The following SAFB2 variants were observed in gnomAD, a reference collection of about 807,000 sequenced individuals.
The protein encoded by SAFB2 is scaffold attachment factor B2.
In SAFB2, 32 loss-of-function variants were observed where a neutral mutation model predicts 100.6. The observed-to-expected ratio is 0.32, with a 90% CI of 0.24 to 0.43. SAFB2 has a LOEUF of 0.43. Ranked by LOEUF, SAFB2 falls within the 20% of genes least tolerant of loss-of-function variation. The pLI, the probability that SAFB2 is intolerant of heterozygous loss-of-function variation, is 1.00. For missense variants in SAFB2, 1,185 were observed against 1,163.4 expected (o/e 1.02, Z -0.27); for synonymous variants, 500 against 439.4 (o/e 1.14, Z -1.72).
intron 4 of SAFB2, 92 bp from the exon 5 acceptor site, chr19:5,613,619 C>A: frequency 6.5e-7 from 1 of 1,542,076 alleles, no homozygotes; most frequent in Admixed American, 1.9e-5. Context: ...TGTCTATTTC[C>A]CTCACGGCAC....
intron 11 of SAFB2, among the ~76,000 whole-genome samples, chr19:5,604,084 C>T (rs1275045484): frequency 6.6e-6 from 1 of 152,202 alleles, no homozygotes; most frequent in East Asian, 1.9e-4. Flanking sequence ...TTCTTAAAGA[C>T]ATGGGCTACT....
Position 5,587,937 on chromosome 19 carries a change from G to C in SAFB2, c.2569C>G (p.His857Asp). 6.2e-7 allele frequency: 1 copy of C among 1,612,738 alleles called. No individual in the cohort carries two copies. The highest frequency in any genetic ancestry group is 8.5e-7 in the Non-Finnish European group (1 of 1,179,878). The part of the protein sequence containing the change: ...WGEHNQRLEE[H>D]QARAWQGAMD... Reference sequence around the variant, plus strand: ...GCACCCTGCCAGGCGCGTGCCTGGTGCTCCTCTAGCCGCTGGTTGTGCTCT... The same window carrying C: ...GCACCCTGCCAGGCGCGTGCCTGGTCCTCCTCTAGCCGCTGGTTGTGCTCT... Residue 857 changes from histidine to aspartate, a missense_variant, in exon 19 of 21, where the codon CAC (histidine) becomes GAC (aspartate). Coordinates refer to ENST00000252542, the MANE Select transcript of SAFB2 (RefSeq NM_014649.3). The surrounding 1 kb of genome is among the most constrained non-coding windows in gnomAD (Gnocchi z 4.9).
At chr19:5,615,006 T>G (rs1244902437) in intron 4 of SAFB2, among the ~76,000 whole-genome samples, 1 of 150,964 alleles carries the variant, frequency 6.6e-6, no homozygotes, top group Non-Finnish European at 1.5e-5. Flanking sequence ...AGGTCAGGAG[T>G]TCGAGACCAG....
Position 5,613,489 on chromosome 19 carries a change from T to C in SAFB2, c.582A>G (p.Ser194=). ...CCGGAGTTACTTTGAAGTTCAACGA[T>C]GAAGTTTCCAAAGTGTTCTTAAATC... The part of the protein sequence containing the change: ...GEGFKNTLET[S]SLNFKVTPDI... Residue 194 remains serine (S), a synonymous_variant, in exon 5 of 21, where the codon TCA becomes TCG. Transcript: ENST00000252542. 3.7e-6 allele frequency: 6 copies of C among 1,614,006 alleles called. No homozygotes were observed. The highest frequency in any genetic ancestry group is 3.4e-6 in the Non-Finnish European group (4 of 1,179,918).
In SAFB2 at chr19:5,594,094, C is replaced by T; in HGVS notation, c.2004G>A (p.Leu668=). ...GCCGCTGGCGCTGGCACTCGAGCTG[C>T]AGGCGTTCCCGCTGTAGCCGGGCCT... ...KEKARLQRER[L]QLECQRQRLE... The change falls in exon 15 of 21, where the codon CTG becomes CTA. Residue 668 remains leucine (L), a synonymous_variant. Coordinates refer to ENST00000252542, the MANE Select transcript of SAFB2 (RefSeq NM_014649.3). The T allele has an allele frequency of 6.3e-7, 1 of 1,599,462 alleles. No homozygotes were observed.
Position 5,595,407 on chromosome 19 carries a change from G to A in SAFB2, c.1873C>T (p.Arg625Cys), listed in dbSNP as rs2052515593. The A allele has an allele frequency of 2.5e-6, 4 of 1,612,980 alleles. No homozygotes were observed. Among genetic ancestry groups the A allele is most frequent in the South Asian group, 1.1e-5 (1 of 91,064 alleles). The change falls in exon 14 of 21, where the codon CGC becomes TGC. Residue 625 changes from arginine (R) to cysteine (C), a missense_variant. Around this residue, in one of 3 missense-constraint regions of SAFB2, gnomAD observed 740 missense variants for 687.1 expected, o/e 1.08. Coordinates refer to ENST00000252542, the MANE Select transcript of SAFB2 (RefSeq NM_014649.3). ...ATCTCCCGTTCCCGCTGCCTCTGGC[G>A]CTCTCTCTCCCTTTGTTCTTTGATT... Reference protein sequence around the residue: ...DKIKEQRERERQRQREREIRE... With the variant: ...DKIKEQRERECQRQREREIRE...
rs752276480 is a variant in SAFB2 at position 5,595,388 on chromosome 19, C to T, written c.1892G>A (p.Arg631Gln). Reference sequence around the variant, plus strand: ...CCGCCTCTCCGTTTCGCGGATCTCCCGTTCCCGCTGCCTCTGGCGCTCTCT... The same window carrying T: ...CCGCCTCTCCGTTTCGCGGATCTCCTGTTCCCGCTGCCTCTGGCGCTCTCT... ...RERERQRQRE[R>Q]EIRETERRRE... The change falls in exon 14 of 21, where the codon CGG becomes CAG. Residue 631 changes from arginine (R) to glutamine (Q), a missense_variant. Physicochemically the swap from Arg to Gln is conservative, Grantham distance 43. Coordinates refer to ENST00000252542, the MANE Select transcript of SAFB2 (RefSeq NM_014649.3). The T allele has an allele frequency of 2.5e-6, 4 of 1,612,384 alleles. No homozygotes were observed. The African/African-American group carries it at 4.0e-5, about 16-fold the overall frequency.
chr19:5,602,479 CAAAAAAAA>C (rs35472223), intron 11 of SAFB2, among the ~76,000 whole-genome samples: 13 of 39,530 alleles, frequency 3.3e-4, no homozygotes, highest in Non-Finnish European at 4.4e-4. Flanking sequence ...GACTCTGTCT[CAAAAAAAA>C]AAAAAAAAAA....
chr19:5,600,171 A>T lies in SAFB2; in HGVS notation c.1649T>A (p.Leu550Gln), dbSNP rs911136554. Residue 550 changes from leucine to glutamine, a missense_variant, in exon 12 of 21, where the codon CTG becomes CAG. By Grantham distance (113) the Leu-to-Gln change is moderately radical. Coordinates refer to ENST00000252542, the MANE Select transcript of SAFB2 (RefSeq NM_014649.3). ...AGACCGATTTGTAGGTCCGGGTTTC[A>T]GCTCATCCTGGTCTTTTTCTTCCTT... ...IKKEEKDQDE[L>Q]KPGPTNRSRV... The T allele has an allele frequency of 6.2e-7, 1 of 1,614,074 alleles. No homozygotes were observed. Among genetic ancestry groups the T allele is most frequent in the Non-Finnish European group, 8.5e-7 (1 of 1,180,004 alleles).
chr19:5,596,532 C>T (rs1379555610), intron 13 of SAFB2, among the ~76,000 whole-genome samples: 2 of 152,118 alleles, frequency 1.3e-5, no homozygotes, highest in Admixed American at 1.3e-4. Flanking sequence ...TTTGTAGAGA[C>T]AGGGTTTCGC....
chr19:5,601,624 AT>A (rs1432088770), intron 11 of SAFB2, among the ~76,000 whole-genome samples: 5 of 152,212 alleles, frequency 3.3e-5, no homozygotes, highest in Admixed American at 3.3e-4. Context: ...AGGCAGGAGA[AT>A]TGCTTGAACC....
At chr19:5,602,908 G>GCTCCCCCC (rs2052695129) in intron 11 of SAFB2, among the ~76,000 whole-genome samples, 1 of 126,928 alleles carries the variant, frequency 7.9e-6, no homozygotes, top group African/African-American at 3.0e-5. Context: ...AGGGCTCACC[G>GCTCCCCCC]CCCCCCCCAC....
chr19:5,593,805 C>T (rs1015249954), intron 15 of SAFB2, 86 bp downstream of exon 15: 3 of 1,323,034 alleles, frequency 2.3e-6, no homozygotes, highest in African/African-American at 1.6e-5. Flanking sequence ...CCGACAGGGA[C>T]GGAAGGGAAG....
intron 9 of SAFB2, among the ~76,000 whole-genome samples, chr19:5,609,238 C>G (rs2052849274): frequency 6.7e-6 from 1 of 149,184 alleles, no homozygotes; most frequent in Admixed American, 6.7e-5. Context: ...CGATCATGTT[C>G]TAGTTATGAG....
chr19:5,592,208 G>GT (rs2052423837), intron 16 of SAFB2, among the ~76,000 whole-genome samples: 1 of 152,178 alleles, frequency 6.6e-6, no homozygotes, highest in Non-Finnish European at 1.5e-5. Flanking sequence ...CATTCCGACT[G>GT]AAGGAGCCAA....
At chr19:5,605,403 C>A (rs1160714337) in intron 9 of SAFB2, among the ~76,000 whole-genome samples, 3 of 152,144 alleles carry the variant, frequency 2.0e-5, no homozygotes, top group Non-Finnish European at 4.4e-5. Context: ...CCGCACCCAG[C>A]CACTAAATAC....
chr19:5,605,790 C>T (rs977331866), intron 9 of SAFB2, among the ~76,000 whole-genome samples: 2 of 152,242 alleles, frequency 1.3e-5, no homozygotes, highest in African/African-American at 4.8e-5. Context: ...AGACAACAAT[C>T]CCTGAGAGCT....
At position 5,604,649 on chromosome 19, in the gene SAFB2, C is replaced by T. The variant is rs769955527; in HGVS notation, c.1493G>A (p.Cys498Tyr). Residue 498 changes from cysteine (C) to tyrosine (Y), a missense_variant, in exon 11 of 21, where the codon TGC becomes TAC. Transcript: ENST00000252542. ...CGATAATTTTTCCTTCTTCACTTCG[C>T]ACTCTTTTCTGTCGGAAAGCTTTTT... The part of the protein sequence containing the change: ...AGKKLSDRKE[C>Y]EVKKEKLSSV... The T allele has an allele frequency of 3.1e-6, 5 of 1,614,202 alleles. No homozygotes were observed. The highest frequency in any genetic ancestry group is 4.2e-6 in the Non-Finnish European group (5 of 1,180,038).
chr19:5,622,771 G>C lies in SAFB2; in HGVS notation c.-56C>G, dbSNP rs1057221689. 8.5e-6 allele frequency: 13 copies of C among 1,529,640 alleles called. No homozygotes were observed. The highest frequency in any genetic ancestry group is 1.4e-5 in the African/African-American group (1 of 72,612). 94.8% of individuals were successfully genotyped at this position (1,529,640 alleles called of 1,614,324 possible). A position where few individuals can be genotyped will look rare whatever the true frequency, so the allele number is the denominator to read the frequency against. ...GTCGCACACCGCCGGCAGCTATAGC[G>C]GCTCTGAACACAAAATGGCGCCGCC... On this transcript the variant is annotated 5_prime_UTR_variant, in exon 1 of 21. Coordinates refer to ENST00000252542, the MANE Select transcript of SAFB2 (RefSeq NM_014649.3).
Sources: gnomAD v4.1 joint callset for allele counts (sites outside exome capture counted in the v4.1 genomes callset) on GRCh38, gnomAD v4.1.1 for gene constraint, gnomAD v4.1.1 regional missense constraint, Gnocchi (gnomAD v3.1) non-coding constraint, MANE v1.5 for transcripts, NCBI Gene and HGNC (gene_info 2026-07-23, HGNC 2026-07-21) for gene names.